The following MAGI2 variants were observed in gnomAD, a reference collection of about 807,000 sequenced individuals.
MAGI2 encodes membrane-associated guanylate kinase, WW and PDZ domain-containing protein 2.
Under a neutral mutation model 133.3 loss-of-function variants are expected in MAGI2, and 35 were observed. The observed-to-expected ratio is 0.26, with a 90% CI of 0.20 to 0.35. The LOEUF is 0.35. Among genes scored for constraint, MAGI2 ranks in the 10% least tolerant of loss-of-function variants. The pLI is 1.00. For synonymous variants in MAGI2, 729 were observed against 710.6 expected, an observed-to-expected ratio of 1.03 and a Z score of -0.41; for missense variants, 1,636 against 1,863.4, an observed-to-expected ratio of 0.88 and a Z score of 2.25.
chr7:78,143,224 A>G (rs1822946734), intron 16 of MAGI2, among the ~76,000 whole-genome samples: 1 of 152,244 alleles, frequency 6.6e-6, no homozygotes, highest in African/African-American at 2.4e-5. Flanking sequence ...TTCAGTAATA[A>G]TGGAAAAATC....
intron 2 of MAGI2, among the ~76,000 whole-genome samples, chr7:78,817,406 A>G (rs1789682068): frequency 1.3e-5 from 2 of 152,228 alleles, no homozygotes. Flanking sequence ...CACTGTGGGT[A>G]AAATGCAATC....
At chr7:79,294,466 T>C (rs545228334) in intron 1 of MAGI2, among the ~76,000 whole-genome samples, 234 of 152,076 alleles carry the variant, frequency 1.5e-3, no homozygotes, top group African/African-American at 5.4e-3. Context: ...TCCTCCCCAA[T>C]GCAAACAGCA....
At chr7:78,550,588 A>T (rs748961882) in intron 3 of MAGI2, among the ~76,000 whole-genome samples, 2 of 152,228 alleles carry the variant, frequency 1.3e-5, no homozygotes, top group Non-Finnish European at 2.9e-5. Context: ...GACACTCCAG[A>T]TAAGAGCTTT....
intron 1 of MAGI2, among the ~76,000 whole-genome samples, chr7:79,083,597 T>C (rs13438374): frequency 0.042 from 6,405 of 151,868 alleles, 431 homozygotes; most frequent in African/African-American, 0.14. Context: ...AGATGTTTTG[T>C]TCATATTCAT....
chr7:78,892,571 T>A (rs558302033), intron 2 of MAGI2, among the ~76,000 whole-genome samples: 2 of 152,240 alleles, frequency 1.3e-5, no homozygotes, highest in East Asian at 3.9e-4. Context: ...TCAGAAATAA[T>A]GCTGCATACC....
chr7:78,163,653 T>G (rs1364181570), intron 15 of MAGI2, among the ~76,000 whole-genome samples: 1 of 152,082 alleles, frequency 6.6e-6, no homozygotes, highest in African/African-American at 2.4e-5. Flanking sequence ...TTGTTAAAAC[T>G]AATTGCCCTT....
chr7:78,508,570 C>T (rs1181586776), intron 4 of MAGI2, among the ~76,000 whole-genome samples: 1 of 152,116 alleles, frequency 6.6e-6, no homozygotes, highest in Non-Finnish European at 1.5e-5. Context: ...GGGAAATAAC[C>T]AGACCTTACA....
intron 20 of MAGI2, among the ~76,000 whole-genome samples, chr7:78,103,095 T>G (rs1818347636): frequency 6.6e-6 from 1 of 152,238 alleles, no homozygotes; most frequent in Non-Finnish European, 1.5e-5. Context: ...AAATCCCATT[T>G]AAACTTCACC....
chr7:78,200,733 G>T (rs985060509), intron 11 of MAGI2, among the ~76,000 whole-genome samples: 6 of 152,024 alleles, frequency 3.9e-5, no homozygotes, highest in African/African-American at 1.4e-4. Flanking sequence ...ACATTAAAAT[G>T]TAAATATAAA....
chr7:78,925,948 TA>T (rs1799660996), intron 2 of MAGI2, among the ~76,000 whole-genome samples: 1 of 152,136 alleles, frequency 6.6e-6, no homozygotes, highest in African/African-American at 2.4e-5. Flanking sequence ...CTGTTCACAT[TA>T]CATGCCCATT....
chr7:78,624,911 C>T (rs1040598435), intron 3 of MAGI2, among the ~76,000 whole-genome samples: 1 of 151,998 alleles, frequency 6.6e-6, no homozygotes, highest in Non-Finnish European at 1.5e-5. Context: ...TGTATTCCTT[C>T]TACTTATTAA....
intron 7 of MAGI2, among the ~76,000 whole-genome samples, chr7:78,353,489 A>G (rs1207935484): frequency 6.6e-6 from 1 of 152,180 alleles, no homozygotes; most frequent in Non-Finnish European, 1.5e-5. Context: ...CAGTTTTCAA[A>G]CAGGGATATC....
rs1411109969 is a variant in MAGI2 at position 79,248,667 on chromosome 7, A to G, written c.301+204353T>C. 4.6e-5 allele frequency among the ~76,000 whole-genome samples: 7 copies of G among 152,218 alleles called. No individual in the cohort carries two copies. In the East Asian group the frequency reaches 1.4e-3, roughly 29 times the overall value. On this transcript the variant is annotated intron_variant, in intron 1 of 21. Transcript: ENST00000354212. Reference sequence around the variant, plus strand: ...CAAAATAACTAAAATATTATCCAGTATCTCCTCTGACCAGAATAGAGTAAA... The same window carrying G: ...CAAAATAACTAAAATATTATCCAGTGTCTCCTCTGACCAGAATAGAGTAAA...
intron 6 of MAGI2, among the ~76,000 whole-genome samples, chr7:78,455,480 A>G (rs17150815): frequency 8.6e-4 from 131 of 152,314 alleles, no homozygotes; most frequent in African/African-American, 3.1e-3. Context: ...ATCTTACTTC[A>G]GACTATAATC....
intron 9 of MAGI2, among the ~76,000 whole-genome samples, chr7:78,281,135 G>C (rs1010957048): frequency 6.6e-6 from 1 of 151,918 alleles, no homozygotes; most frequent in African/African-American, 2.4e-5. Flanking sequence ...TTTAGTCTGA[G>C]ATCCTTTTGA....
intron 3 of MAGI2, among the ~76,000 whole-genome samples, chr7:78,530,729 C>A (rs1797393283): frequency 6.6e-6 from 1 of 151,104 alleles, no homozygotes; most frequent in African/African-American, 2.4e-5. Context: ...CATAACAATT[C>A]CAATTTTCTT....
In MAGI2 at chr7:78,907,757, A is replaced by G. The variant is rs557154817; in HGVS notation, c.418+99333T>C. Reference sequence around the variant, plus strand: ...AAAATTAGGCCTCTATTTTTCCCCAAATTCATTTTGCAAGCAGAGAGATAA... The same window carrying G: ...AAAATTAGGCCTCTATTTTTCCCCAGATTCATTTTGCAAGCAGAGAGATAA... On this transcript the variant is annotated intron_variant, in intron 2 of 21. Coordinates refer to ENST00000354212, the MANE Select transcript of MAGI2 (RefSeq NM_012301.4). 3.9e-5 allele frequency among the ~76,000 whole-genome samples: 6 copies of G among 152,232 alleles called. No individual in the cohort carries two copies. The South Asian group carries it at 1.2e-3, about 32-fold the overall frequency.
chr7:78,901,474 A>G (rs1417759923), intron 2 of MAGI2: 1 of 152,172 alleles, frequency 6.6e-6, no homozygotes, highest in Middle Eastern at 3.2e-3. Flanking sequence ...TTATATCATC[A>G]TTGTTAATAA....
chr7:78,446,191 T>C (rs891017282), intron 6 of MAGI2, among the ~76,000 whole-genome samples: 1 of 152,068 alleles, frequency 6.6e-6, no homozygotes, highest in Non-Finnish European at 1.5e-5. Context: ...CCTTCGCATG[T>C]ATTTATTTAT....
Sources: allele counts gnomAD v4.1 joint callset (sites outside exome capture counted in the v4.1 genomes callset), GRCh38; gene constraint gnomAD v4.1.1; transcripts MANE v1.5; gene names NCBI Gene and HGNC (gene_info 2026-07-23, HGNC 2026-07-21).